Variants in MAP2K2 observed in about 807,000 individuals in gnomAD.
MAP2K2 encodes the protein dual specificity mitogen-activated protein kinase kinase 2.
A neutral mutation model predicts 43.7 loss-of-function variants in MAP2K2; 24 were observed. The observed-to-expected ratio is 0.55, with a 90% CI of 0.40 to 0.77. The LOEUF (loss-of-function observed/expected upper bound fraction) is 0.77. Among genes scored for constraint, MAP2K2 ranks in the 30% least tolerant of loss-of-function variants. The probability of loss-of-function intolerance (pLI) is 0.00; values close to 1 mark genes in which losing one functional copy is unlikely to be tolerated. For synonymous variants in MAP2K2, 244 were observed against 239.7 expected (o/e 1.02, Z -0.17); for missense variants, 470 against 566.8 (o/e 0.83, Z 1.73).
At position 4,123,814 on chromosome 19, in the gene MAP2K2, C is replaced by T; in HGVS notation, c.62G>A (p.Gly21Asp). 6.4e-7 allele frequency: 1 copy of T among 1,566,950 alleles called. No individual in the cohort carries two copies. Among genetic ancestry groups the T allele is most frequent in the Non-Finnish European group, 8.6e-7 (1 of 1,161,490 alleles). ...GGCGCCCTCGCTGGTAGGGGATGGG[C>T]CCTCGGCGATGGTAGGGTTGATGGT... ...ALTINPTIAE[G>D]PSPTSEGASE... The change falls in exon 1 of 11, where the codon GGC (glycine) becomes GAC (aspartate). Residue 21 changes from glycine (G) to aspartate (D), a missense_variant. Gly to Asp is a moderately conservative substitution (Grantham distance 94). Transcript: ENST00000262948.
intron 3 of MAP2K2, chr19:4,102,803 T>G: frequency 8.1e-7 from 1 of 1,235,930 alleles, no homozygotes; most frequent in Non-Finnish European, 1.0e-6. Context: ...GGGCCCGCAC[T>G]CCCTGCAGCC....
In MAP2K2 at chr19:4,095,443, G is replaced by A. The variant is rs1427321403; in HGVS notation, c.991C>T (p.Pro331Ser). 1.9e-6 allele frequency: 3 copies of A among 1,551,364 alleles called. No homozygotes were observed. Among genetic ancestry groups the A allele is most frequent in the South Asian group, 1.2e-5 (1 of 84,056 alleles). Residue 331 changes from proline to serine, a missense_variant, in exon 9 of 11, where the codon CCT becomes TCT. By Grantham distance (74) the Pro-to-Ser change is moderately conservative. This residue lies in a region of MAP2K2 where 212 missense variants were observed against 220.8 expected (regional missense o/e 0.96). Transcript: ENST00000262948. Reference protein sequence around the residue: ...LLDYIVNEPPPKLPNGVFTPD... With the variant: ...LLDYIVNEPPSKLPNGVFTPD... ...GTGAACACACCGTTGGGCAGCTTAG[G>A]AGGTGGCTGTGGAGGAGAACAGAGG...
intron 4 of MAP2K2, among the ~76,000 whole-genome samples, chr19:4,102,163 A>G (rs923239095): frequency 1.3e-5 from 2 of 152,114 alleles, no homozygotes; most frequent in Non-Finnish European, 2.9e-5. Context: ...GGGACCTATA[A>G]CGTCTTCACT....
intron 10 of MAP2K2, 34 bp downstream of exon 10, chr19:4,094,419 C>T: frequency 3.9e-6 from 6 of 1,551,414 alleles, no homozygotes; most frequent in Non-Finnish European, 5.2e-6. Context: ...CAGCCTGCAC[C>T]CTCCCGGTCC....
At chr19:4,118,240 G>A (rs1003292246) in intron 1 of MAP2K2, among the ~76,000 whole-genome samples, 2 of 152,198 alleles carry the variant, frequency 1.3e-5, no homozygotes, top group East Asian at 3.8e-4. Context: ...ACGCGGCCGG[G>A]AGACCTCCTT....
intron 2 of MAP2K2, among the ~76,000 whole-genome samples, chr19:4,114,603 T>C (rs751838906): frequency 2.6e-5 from 4 of 152,032 alleles, no homozygotes; most frequent in Non-Finnish European, 4.4e-5. Context: ...GGGAGAGGGG[T>C]CAGAGGCCAC....
At chr19:4,100,452 A>AAAG (rs1223279326) in intron 6 of MAP2K2, 7 of 152,934 alleles carry the variant, frequency 4.6e-5, no homozygotes, top group East Asian at 1.9e-4. Flanking sequence ...AAAAAAAAAA[A>AAAG]AAAGAAAGAA....
intron 10 of MAP2K2, among the ~76,000 whole-genome samples, chr19:4,093,626 C>T (rs1019440930): frequency 6.6e-6 from 1 of 151,970 alleles, no homozygotes; most frequent in African/African-American, 2.4e-5. Context: ...GAGGCTGAGA[C>T]TGCAGTGAGC....
chr19:4,093,807 G>A (rs146816681), intron 10 of MAP2K2, among the ~76,000 whole-genome samples: 117 of 152,260 alleles, frequency 7.7e-4, no homozygotes, highest in African/African-American at 2.7e-3. Flanking sequence ...GGGCTGTCTA[G>A]GGGGGTGGCA....
intron 3 of MAP2K2, among the ~76,000 whole-genome samples, chr19:4,108,137 C>T (rs540271612): frequency 2.6e-5 from 4 of 152,306 alleles, no homozygotes; most frequent in East Asian, 1.9e-4. Context: ...ACAGGGCCGG[C>T]GAGGATGGCA....
chr19:4,106,179 G>A (rs1381528275), intron 3 of MAP2K2, among the ~76,000 whole-genome samples: 1 of 152,172 alleles, frequency 6.6e-6, no homozygotes. Flanking sequence ...GCCGAGGCAG[G>A]AGGGTCACTT....
intron 2 of MAP2K2, among the ~76,000 whole-genome samples, chr19:4,112,681 T>C (rs1277444022): frequency 2.0e-5 from 3 of 148,828 alleles, no homozygotes; most frequent in African/African-American, 7.6e-5. Context: ...CGCCCCTGCC[T>C]GCCCCTGTAG....
At chr19:4,092,019 T>C (rs964924944) in intron 10 of MAP2K2, among the ~76,000 whole-genome samples, 2 of 152,042 alleles carry the variant, frequency 1.3e-5, no homozygotes, top group African/African-American at 4.8e-5. Flanking sequence ...ATGAGAAGCC[T>C]CTTGGTTGGA....
intron 10 of MAP2K2, among the ~76,000 whole-genome samples, chr19:4,092,601 AG>A (rs1233933125): frequency 6.6e-6 from 1 of 152,052 alleles, no homozygotes; most frequent in African/African-American, 2.4e-5. Context: ...GGAAAAAAAA[AG>A]TTATTTCAAC....
intron 4 of MAP2K2, among the ~76,000 whole-genome samples, chr19:4,102,167 C>T (rs1188077616): frequency 2.0e-5 from 3 of 152,218 alleles, no homozygotes; most frequent in Non-Finnish European, 4.4e-5. Flanking sequence ...CCTATAACGT[C>T]TTCACTTGGC....
intron 1 of MAP2K2, among the ~76,000 whole-genome samples, chr19:4,120,160 GTGTCCCCCA>G (rs2054320558): frequency 6.6e-6 from 1 of 152,192 alleles, no homozygotes; most frequent in African/African-American, 2.4e-5. Context: ...GCTCATCTTA[GTGTCCCCCA>G]TGAGGGGAAA....
intron 2 of MAP2K2, among the ~76,000 whole-genome samples, chr19:4,114,465 G>A (rs776209981): frequency 2.0e-5 from 3 of 152,206 alleles, no homozygotes; most frequent in Admixed American, 2.0e-4. Flanking sequence ...GAGGAACTCA[G>A]AGGCGAGAAC....
In MAP2K2 at chr19:4,115,127, G is replaced by A. The variant is rs191399658; in HGVS notation, c.303+2292C>T. Among the ~76,000 whole-genome samples the A allele has an allele frequency of 6.6e-6, 1 of 152,138 alleles. No homozygotes were observed. The highest frequency in any genetic ancestry group is 6.5e-5 in the Admixed American group (1 of 15,284). On this transcript the variant is annotated intron_variant, in intron 2 of 10. Coordinates refer to ENST00000262948, the MANE Select transcript of MAP2K2 (RefSeq NM_030662.4). This position sits in a 1 kb window ranked among gnomAD's most constrained non-coding sequence, Gnocchi z 4.1. ...CACAGGAAGTTGCAAAAATAGTAAC[G>A]AGAGTCCCGTGCGCCCTTTCCCCGC...
chr19:4,102,630 C>A, intron 3 of MAP2K2, 177 bp from the exon 4 acceptor site: 1 of 911,834 alleles, frequency 1.1e-6, no homozygotes, highest in Non-Finnish European at 1.7e-6. Flanking sequence ...GCCTTTGGGT[C>A]TGAACACCCA....
Sources: allele counts gnomAD v4.1 joint callset (sites outside exome capture counted in the v4.1 genomes callset), GRCh38; gene constraint gnomAD v4.1.1; regional missense constraint gnomAD v4.1.1; non-coding constraint Gnocchi (gnomAD v3.1); transcripts MANE v1.5; gene names NCBI Gene and HGNC (gene_info 2026-07-23, HGNC 2026-07-21).